The following IPO9 variants were observed in gnomAD, a reference collection of about 807,000 sequenced individuals.
The protein encoded by IPO9 is importin-9.
Under a neutral mutation model 128.6 loss-of-function variants are expected in IPO9, and 28 were observed. That is an observed-to-expected ratio of 0.22 (90% CI 0.16 to 0.30). IPO9 has a LOEUF of 0.30. Ranked by LOEUF, IPO9 falls within the 10% of genes least tolerant of loss-of-function variation. The pLI, the probability that IPO9 is intolerant of heterozygous loss-of-function variation, is 1.00. For synonymous variants in IPO9, 455 were observed against 475.8 expected (o/e 0.96, Z 0.57); for missense variants, 935 against 1,293.9 (o/e 0.72, Z 4.26).
chr1:201,871,795 A>G (rs1403683866), intron 19 of IPO9, among the ~76,000 whole-genome samples: 1 of 152,140 alleles, frequency 6.6e-6, no homozygotes, highest in East Asian at 1.9e-4. Context: ...GCTAACGCAC[A>G]TATGTGAATA....
In IPO9 at chr1:201,853,068, A is replaced by G; in HGVS notation, c.661A>G (p.Met221Val). Reference protein sequence around the residue: ...AVEIFTTCAHMICNMEELEKG... With the variant: ...AVEIFTTCAHVICNMEELEKG... ...GGAGATTTTTACCACTTGTGCCCAT[A>G]TGATCTGTAACATGGAGGAGCTGGA... The change falls in exon 6 of 24, where the codon ATG (methionine) becomes GTG (valine). Residue 221 changes from methionine (M) to valine (V), a missense_variant. Physicochemically the swap from Met to Val is conservative, Grantham distance 21. Coordinates refer to ENST00000361565, the MANE Select transcript of IPO9 (RefSeq NM_018085.5). 3 of 1,614,076 alleles carry G rather than the reference A, an allele frequency of 1.9e-6. No homozygotes were observed. Among genetic ancestry groups the G allele is most frequent in the Non-Finnish European group, 2.5e-6 (3 of 1,179,994 alleles).
At position 201,883,687 on chromosome 1, in the gene IPO9, G is replaced by C. The variant is rs547303468; in HGVS notation, c.*7633G>C. 4 of 152,214 alleles carry C rather than the reference G, an allele frequency of 2.6e-5. No individual in the cohort carries two copies. Among genetic ancestry groups the C allele is most frequent in the Non-Finnish European group, 5.9e-5 (4 of 68,056 alleles). 9.4% of individuals were successfully genotyped at this position (152,214 alleles called of 1,614,324 possible). On this transcript the variant is annotated 3_prime_UTR_variant, in exon 24 of 24. Transcript: ENST00000361565. ...GACCTTTTCGTGATTCTGGAGAGGGGAACAAACCATAATAACAACAAACCA... is the reference window on the plus strand; with the variant it reads ...GACCTTTTCGTGATTCTGGAGAGGGCAACAAACCATAATAACAACAAACCA...
intron 1 of IPO9, among the ~76,000 whole-genome samples, chr1:201,831,625 A>C (rs1679833840): frequency 2.0e-5 from 3 of 152,058 alleles, no homozygotes; most frequent in Admixed American, 2.0e-4. Flanking sequence ...AGTACCTCCC[A>C]CCTTAAACTC....
At position 201,852,918 on chromosome 1, in the gene IPO9, A is replaced by G. The variant is rs535374381; in HGVS notation, c.604-93A>G. On this transcript the variant is annotated intron_variant, in intron 5 of 23. Transcript: ENST00000361565. ...GGCATCCAATCTCATGTGAGGATTC[A>G]TTAGTCATAGTTTTACTTCTAGTCT... 7.3e-6 allele frequency: 7 copies of G among 957,920 alleles called. No individual in the cohort carries two copies. In the African/African-American group the frequency reaches 8.1e-5, roughly 11 times the overall value. 59.3% of individuals were successfully genotyped at this position (957,920 alleles called of 1,614,324 possible). A position where few individuals can be genotyped will look rare whatever the true frequency, so the allele number is the denominator to read the frequency against.
At chr1:201,851,010 T>TTTTATGTA (rs766263477) in intron 4 of IPO9, among the ~76,000 whole-genome samples, 11 of 151,948 alleles carry the variant, frequency 7.2e-5, no homozygotes, top group Non-Finnish European at 1.5e-4. Flanking sequence ...TTATTTTTAG[T>TTTTATGTA]TTTATTTATT....
intron 1 of IPO9, among the ~76,000 whole-genome samples, chr1:201,844,492 A>G (rs1410013323): frequency 6.6e-6 from 1 of 152,200 alleles, no homozygotes; most frequent in Non-Finnish European, 1.5e-5. Flanking sequence ...ATCCTGAAGG[A>G]AAAAGGACAA....
chr1:201,844,615 G>T (rs1020078927), intron 1 of IPO9, among the ~76,000 whole-genome samples: 1 of 152,216 alleles, frequency 6.6e-6, no homozygotes, highest in Admixed American at 6.5e-5. Flanking sequence ...AGAGGAAAAT[G>T]GATGAATGAT....
intron 16 of IPO9, 107 bp from the exon 17 acceptor site, chr1:201,869,483 A>T: frequency 7.4e-7 from 1 of 1,349,844 alleles, no homozygotes; most frequent in Non-Finnish European, 1.0e-6. Context: ...TTCATTAATA[A>T]GCTTTCTCTG....
intron 18 of IPO9, 36 bp from the exon 19 acceptor site, chr1:201,871,125 G>T: frequency 6.2e-7 from 1 of 1,601,582 alleles, no homozygotes; most frequent in South Asian, 1.1e-5. Flanking sequence ...CTCTGAAATT[G>T]ATTTCCCTGA....
chr1:201,855,789 T>C lies in IPO9; in HGVS notation c.977T>C (p.Val326Ala). The C allele has an allele frequency of 6.2e-7, 1 of 1,610,132 alleles. No individual in the cohort carries two copies. The stretch of plus-strand genomic sequence containing the variant: ...TCTTCTGTATTTCCTGCAGGTGAAG[T>C]CCTGGGCTTTGAAAATCTCGTCTTT... ...VEDPVDSDGE[V>A]LGFENLVFSI... Residue 326 changes from valine (V) to alanine (A), a missense_variant, in exon 10 of 24, where the codon GTC becomes GCC. Physicochemically the swap from Val to Ala is moderately conservative, Grantham distance 64. This residue lies in a region of IPO9 where 741 missense variants were observed against 1,019.1 expected (regional missense o/e 0.73). Transcript: ENST00000361565.
intron 1 of IPO9, among the ~76,000 whole-genome samples, chr1:201,843,092 C>T (rs1680065188): frequency 1.3e-5 from 2 of 152,192 alleles, no homozygotes; most frequent in Non-Finnish European, 2.9e-5. Context: ...AGATTGCAGG[C>T]AACAATACTA....
At chr1:201,855,001 G>A in intron 8 of IPO9, 78 bp downstream of exon 8, 1 of 1,362,412 alleles carries the variant, frequency 7.3e-7, no homozygotes, top group Non-Finnish European at 1.0e-6. Flanking sequence ...CATTCATATG[G>A]TTCCACTCTT....
chr1:201,869,739 A>G (rs989925375), intron 17 of IPO9, 21 bp downstream of exon 17: 83 of 1,612,848 alleles, frequency 5.1e-5, no homozygotes, highest in Non-Finnish European at 7.0e-5. Flanking sequence ...CATGGAGAGT[A>G]GAAGAGGGAA....
rs935972393 is a variant in IPO9 at position 201,836,716 on chromosome 1, A to C, written c.163+7344A>C. Reference sequence around the variant, plus strand: ...GTAGGTATGTGGTCTAGACAGAATAAATTGGGTTAAGTAAAAGAATTTTGT... The same window carrying C: ...GTAGGTATGTGGTCTAGACAGAATACATTGGGTTAAGTAAAAGAATTTTGT... On this transcript the variant is annotated intron_variant, in intron 1 of 23. Coordinates refer to ENST00000361565, the MANE Select transcript of IPO9 (RefSeq NM_018085.5). 4.6e-5 allele frequency among the ~76,000 whole-genome samples: 7 copies of C among 152,328 alleles called. No homozygotes were observed. The East Asian group carries it at 1.2e-3, about 25-fold the overall frequency.
intron 4 of IPO9, chr1:201,850,499 A>G (rs1680194944): frequency 6.6e-6 from 1 of 152,222 alleles, no homozygotes; most frequent in Non-Finnish European, 1.5e-5. Context: ...TATAGCAGCT[A>G]AGGATTAGAA....
intron 1 of IPO9, among the ~76,000 whole-genome samples, chr1:201,845,678 C>G (rs190706522): frequency 9.2e-4 from 140 of 152,210 alleles, no homozygotes; most frequent in African/African-American, 3.1e-3. Flanking sequence ...AGTATTATTG[C>G]AACATTTGAT....
Position 201,866,752 on chromosome 1 carries a change from G to A in IPO9, c.1648G>A (p.Val550Ile). The A allele has an allele frequency of 2.5e-6, 4 of 1,613,852 alleles. No individual in the cohort carries two copies. The highest frequency in any genetic ancestry group is 3.4e-6 in the Non-Finnish European group (4 of 1,179,846). The change falls in exon 15 of 24, where the codon GTC (valine) becomes ATC (isoleucine). Residue 550 changes from valine (V) to isoleucine (I), a missense_variant. Val to Ile is a conservative substitution (Grantham distance 29). Coordinates refer to ENST00000361565, the MANE Select transcript of IPO9 (RefSeq NM_018085.5). ...CTCTAGTTATTGTGACCAACTGAAA[G>A]TCTCAGAGAGTACCCACGTGCTCCA... ...AIWGYCDQLK[V>I]SESTHVLQPF...
rs1680809362 is a variant in IPO9, at chr1:201,878,002, C to T, written c.*1948C>T. ...GGGGATGGCCCCAAGGATATTGTAG[C>T]TGGTAATTTCTTCATGCCACTAGGT... On this transcript the variant is annotated 3_prime_UTR_variant, in exon 24 of 24. Transcript: ENST00000361565. 1 of 152,098 alleles carries T rather than the reference C, an allele frequency of 6.6e-6. No homozygotes were observed. The highest frequency in any genetic ancestry group is 2.4e-5 in the African/African-American group (1 of 41,414). The allele number at this position is 152,098 out of a possible 1,614,324, so 9.4% of individuals were successfully genotyped here.
intron 16 of IPO9, among the ~76,000 whole-genome samples, chr1:201,869,143 C>T (rs1680606463): frequency 6.6e-6 from 1 of 152,114 alleles, no homozygotes; most frequent in Non-Finnish European, 1.5e-5. Context: ...ACCAGCTACT[C>T]AAGAGGCTGA....
Sources: allele counts gnomAD v4.1 joint callset (sites outside exome capture counted in the v4.1 genomes callset), GRCh38; gene constraint gnomAD v4.1.1; regional missense constraint gnomAD v4.1.1; transcripts MANE v1.5; gene names NCBI Gene and HGNC (gene_info 2026-07-23, HGNC 2026-07-21).